The following ASIC2 variants were observed in gnomAD, a reference collection of about 807,000 sequenced individuals.
The protein encoded by ASIC2 is acid-sensing ion channel 2.
In ASIC2, 25 loss-of-function variants were observed where a neutral mutation model predicts 57.3. The observed-to-expected ratio is 0.44, with a 90% CI of 0.32 to 0.61. ASIC2 has a LOEUF of 0.61. Among genes scored for constraint, ASIC2 ranks in the 20% least tolerant of loss-of-function variants. The probability of loss-of-function intolerance (pLI) is 0.06; values close to 1 mark genes in which losing one functional copy is unlikely to be tolerated. For missense variants in ASIC2, 641 were observed against 738.1 expected, an observed-to-expected ratio of 0.87 and a Z score of 1.52; for synonymous variants, 319 against 307.5, an observed-to-expected ratio of 1.04 and a Z score of -0.39.
intron 1 of ASIC2, among the ~76,000 whole-genome samples, chr17:33,514,058 A>C (rs1488592879): frequency 6.6e-6 from 1 of 152,222 alleles, no homozygotes; most frequent in Non-Finnish European, 1.5e-5. Context: ...GTGGGTAGAC[A>C]TCACTCCCAT....
intron 1 of ASIC2, among the ~76,000 whole-genome samples, chr17:33,773,447 C>G (rs867276317): frequency 6.6e-6 from 1 of 152,016 alleles, no homozygotes; most frequent in East Asian, 1.9e-4. Context: ...CCATATGTGG[C>G]GGGGCAGGTT....
rs1012487117 is a variant in ASIC2, at chr17:33,408,822, C to T, written c.556-296755G>A. Among the ~76,000 whole-genome samples, 8 of 152,236 alleles carry T rather than the reference C, an allele frequency of 5.3e-5. No individual in the cohort carries two copies. In the East Asian group the frequency reaches 7.7e-4, roughly 15 times the overall value. On this transcript the variant is annotated intron_variant, in intron 1 of 9. Transcript: ENST00000359872. ...GTGGAAAAGCTACACAAGTGGGGAA[C>T]GAGGGGAGCCACAGAGTGAGGGATG...
At chr17:34,021,344 T>C (rs1454334294) in intron 1 of ASIC2, among the ~76,000 whole-genome samples, 1 of 152,204 alleles carries the variant, frequency 6.6e-6, no homozygotes. Context: ...TCAATCTCTC[T>C]GGAAAAGTCT....
chr17:33,050,868 G>A (rs1207217288), intron 3 of ASIC2, among the ~76,000 whole-genome samples: 2 of 152,094 alleles, frequency 1.3e-5, no homozygotes, highest in East Asian at 1.9e-4. Context: ...ACACCCTCTG[G>A]TCCTGGTGCT....
intron 1 of ASIC2, among the ~76,000 whole-genome samples, chr17:33,464,488 C>A (rs947976899): frequency 4.2e-4 from 15 of 35,898 alleles, no homozygotes; most frequent in African/African-American, 2.0e-3. Context: ...TTCTCTCTTT[C>A]TTTCTTTCTT....
chr17:33,797,332 A>G lies in ASIC2; in HGVS notation c.555+358646T>C, dbSNP rs568088419. Among the ~76,000 whole-genome samples the G allele has an allele frequency of 4.6e-5, 7 of 152,240 alleles. No individual in the cohort carries two copies. In the East Asian group the frequency reaches 1.2e-3, roughly 25 times the overall value. On this transcript the variant is annotated intron_variant, in intron 1 of 9. Coordinates refer to the ASIC2 transcript ENST00000359872. ...GACAAACCTCTGAGATGTCAGGGAA[A>G]CGTCTGGCATGACTAGCGAGGAGTG...
chr17:33,839,481 G>A (rs958381310), intron 1 of ASIC2, among the ~76,000 whole-genome samples: 3 of 152,018 alleles, frequency 2.0e-5, no homozygotes, highest in Non-Finnish European at 2.9e-5. Context: ...TTGTCTCCCA[G>A]CCCCAAACTC....
At chr17:33,414,560 G>C (rs933327981) in intron 1 of ASIC2, among the ~76,000 whole-genome samples, 1 of 152,152 alleles carries the variant, frequency 6.6e-6, no homozygotes, top group African/African-American at 2.4e-5. Flanking sequence ...GGGGGTCAAG[G>C]CCTGCCTTGG....
chr17:33,259,356 A>C (rs1447637729), intron 1 of ASIC2, among the ~76,000 whole-genome samples: 1 of 151,986 alleles, frequency 6.6e-6, no homozygotes, highest in East Asian at 1.9e-4. Flanking sequence ...GGGTCATAAA[A>C]CCCTGTAATT....
chr17:33,181,785 C>G (rs901502998), intron 1 of ASIC2, among the ~76,000 whole-genome samples: 1 of 152,216 alleles, frequency 6.6e-6, no homozygotes, highest in Non-Finnish European at 1.5e-5. Context: ...GGGGCAAGGA[C>G]TTGGAGATAT....
At chr17:33,339,602 C>T (rs146725937) in intron 1 of ASIC2, among the ~76,000 whole-genome samples, 55 of 152,268 alleles carry the variant, frequency 3.6e-4, no homozygotes, top group Middle Eastern at 6.8e-3. Context: ...AGAAAGGGCC[C>T]GGCACGGTGT....
intron 1 of ASIC2, among the ~76,000 whole-genome samples, chr17:33,304,705 C>G (rs567711103): frequency 6.6e-6 from 1 of 152,286 alleles, no homozygotes; most frequent in South Asian, 2.1e-4. Context: ...AACACAAAAC[C>G]CAGCAATGAG....
At chr17:33,599,625 T>A (rs2083768736) in intron 1 of ASIC2, among the ~76,000 whole-genome samples, 1 of 152,212 alleles carries the variant, frequency 6.6e-6, no homozygotes, top group Middle Eastern at 3.4e-3. Flanking sequence ...CATAATAGGA[T>A]GTGTAAAGTG....
chr17:33,354,657 C>T (rs1908308832), intron 1 of ASIC2, among the ~76,000 whole-genome samples: 2 of 152,080 alleles, frequency 1.3e-5, no homozygotes, highest in South Asian at 4.2e-4. Flanking sequence ...TGGGAACATT[C>T]TTTCTTCAGC....
At chr17:33,854,690 T>G (rs1913868072) in intron 1 of ASIC2, among the ~76,000 whole-genome samples, 1 of 152,080 alleles carries the variant, frequency 6.6e-6, no homozygotes, top group South Asian at 2.1e-4. Flanking sequence ...CACATTTGGG[T>G]GAGTGGCCCC....
intron 1 of ASIC2, among the ~76,000 whole-genome samples, chr17:33,659,917 AAAT>A (rs1907202375): frequency 6.7e-6 from 1 of 148,978 alleles, no homozygotes; most frequent in Non-Finnish European, 1.5e-5. Context: ...TAAATAAATA[AAAT>A]AAAAATAAAA....
chr17:33,260,500 T>A lies in ASIC2; in HGVS notation c.708+30908A>T, dbSNP rs1373483559. The stretch of plus-strand genomic sequence containing the variant: ...GAAGGGAAAATGATGGTCTGGTGGT[T>A]TTTTTCCCTGCTGAACCTCATCACC... On this transcript the variant is annotated intron_variant, in intron 1 of 9. Transcript: ENST00000225823. Among the ~76,000 whole-genome samples, 7 of 152,292 alleles carry A rather than the reference T, an allele frequency of 4.6e-5. No homozygotes were observed. The East Asian group carries it at 1.4e-3, about 29-fold the overall frequency.
intron 1 of ASIC2, among the ~76,000 whole-genome samples, chr17:33,541,743 C>T (rs1450038947): frequency 6.6e-6 from 1 of 152,142 alleles, no homozygotes; most frequent in Non-Finnish European, 1.5e-5. Flanking sequence ...ATGCAAGTGC[C>T]CCTTCCCAAG....
At chr17:33,183,439 A>G (rs920707889) in intron 1 of ASIC2, among the ~76,000 whole-genome samples, 1 of 152,242 alleles carries the variant, frequency 6.6e-6, no homozygotes. Flanking sequence ...TTAACATTAC[A>G]GTAATTAATT....
Sources: gnomAD v4.1 joint callset for allele counts (sites outside exome capture counted in the v4.1 genomes callset) on GRCh38, gnomAD v4.1.1 for gene constraint, MANE v1.5 for transcripts, NCBI Gene and HGNC (gene_info 2026-07-23, HGNC 2026-07-21) for gene names.